Variants in MACROD2 observed in about 807,000 individuals in gnomAD.
MACROD2 encodes the protein mono-ADP ribosylhydrolase 2.
MACROD2 carries 36 observed loss-of-function variants against 70.4 expected under a neutral mutation model. That is an observed-to-expected ratio of 0.51 (90% CI 0.39 to 0.68). The LOEUF is 0.68. Among genes scored for constraint, MACROD2 ranks in the 30% least tolerant of loss-of-function variants. MACROD2 has a pLI of 0.00. For missense variants in MACROD2, 496 were observed against 538.4 expected, an observed-to-expected ratio of 0.92 and a Z score of 0.78; for synonymous variants, 172 against 178.8, an observed-to-expected ratio of 0.96 and a Z score of 0.30.
chr20:15,397,763 C>T (rs573187381), intron 6 of MACROD2, among the ~76,000 whole-genome samples: 4 of 152,088 alleles, frequency 2.6e-5, no homozygotes, highest in Non-Finnish European at 5.9e-5. Flanking sequence ...TCAATGCGTA[C>T]ATCATGTTGG....
At chr20:14,829,826 C>G (rs765202185) in intron 5 of MACROD2, among the ~76,000 whole-genome samples, 1 of 152,094 alleles carries the variant, frequency 6.6e-6, no homozygotes, top group African/African-American at 2.4e-5. Flanking sequence ...TAATTGTCTA[C>G]AGACAAAATA....
At chr20:15,620,389 T>G (rs1487789151) in intron 8 of MACROD2, among the ~76,000 whole-genome samples, 1 of 152,142 alleles carries the variant, frequency 6.6e-6, no homozygotes, top group Non-Finnish European at 1.5e-5. Flanking sequence ...GGTTGGATAT[T>G]TAGATCATTG....
At chr20:14,128,031 A>G in intron 3 of MACROD2, 1 of 560,214 alleles carries the variant, frequency 1.8e-6, no homozygotes, top group South Asian at 1.4e-5. Flanking sequence ...GCAAAATCAG[A>G]TGGTGATTTT....
chr20:14,685,396 G>T (rs2070989548), intron 5 of MACROD2, among the ~76,000 whole-genome samples: 1 of 152,120 alleles, frequency 6.6e-6, no homozygotes, highest in Non-Finnish European at 1.5e-5. Flanking sequence ...TTTTCCAGCT[G>T]CCATGTAAAG....
chr20:14,855,727 A>T (rs2073249119), intron 5 of MACROD2, among the ~76,000 whole-genome samples: 1 of 147,724 alleles, frequency 6.8e-6, no homozygotes, highest in African/African-American at 2.5e-5. Context: ...TACAAGCTTT[A>T]ATTTACCCCT....
rs143542577 is a variant in MACROD2 at position 15,728,892 on chromosome 20, A to G, written c.646-133853A>G. 2.8e-3 allele frequency among the ~76,000 whole-genome samples: 431 copies of G among 151,786 alleles called. 2 individuals carry two copies. The highest frequency in any genetic ancestry group is 9.8e-3 in the African/African-American group (407 of 41,404). The stretch of plus-strand genomic sequence containing the variant: ...TTGTATCTTGGTTTCCTTCAGTTCA[A>G]TTCTGATTTTGGTTATTTCTTGTCA... On this transcript the variant is annotated intron_variant, in intron 8 of 17. Transcript: ENST00000684519.
intron 10 of MACROD2, among the ~76,000 whole-genome samples, chr20:15,894,895 G>C (rs2064946543): frequency 6.6e-6 from 1 of 152,192 alleles, no homozygotes. Context: ...TGGGAGAGTA[G>C]CTGGGGCTTC....
In MACROD2 at chr20:15,664,320, A is replaced by C. The variant is rs1205097276; in HGVS notation, c.645+164473A>C. Among the ~76,000 whole-genome samples the C allele has an allele frequency of 2.6e-5, 4 of 152,224 alleles. No homozygotes were observed. In the East Asian group the frequency reaches 7.7e-4, roughly 29 times the overall value. On this transcript the variant is annotated intron_variant, in intron 8 of 17. Transcript: ENST00000684519. ...TTAAATGATCAAAGACAGAAGAGCA[A>C]GTGTGATATCCTGAGTGAGCAGAGT... is the stretch of plus-strand genomic sequence containing the variant.
At chr20:15,157,349 A>ACCCCCCCCACCCCC (rs2076314269) in intron 5 of MACROD2, among the ~76,000 whole-genome samples, 1 of 109,400 alleles carries the variant, frequency 9.1e-6, no homozygotes, top group Non-Finnish European at 1.9e-5. Context: ...CTAATTAACC[A>ACCCCCCCCACCCCC]CCCCCCCCCA....
chr20:14,729,588 C>T (rs1281850440), intron 5 of MACROD2, among the ~76,000 whole-genome samples: 3 of 152,112 alleles, frequency 2.0e-5, no homozygotes, highest in Non-Finnish European at 4.4e-5. Flanking sequence ...TTTGCAACTA[C>T]AAGCTCACCA....
intron 8 of MACROD2, among the ~76,000 whole-genome samples, chr20:15,832,539 G>A (rs899585986): frequency 2.6e-5 from 4 of 152,186 alleles, no homozygotes; most frequent in African/African-American, 9.7e-5. Flanking sequence ...AAAAAGTACA[G>A]CCATTGCCAC....
intron 10 of MACROD2, among the ~76,000 whole-genome samples, chr20:15,911,402 A>G (rs2065235601): frequency 6.6e-6 from 1 of 152,262 alleles, no homozygotes; most frequent in Admixed American, 6.5e-5. Context: ...TTAGGAGGAC[A>G]TAATGTCATG....
At chr20:14,349,917 T>G (rs2083105887) in intron 3 of MACROD2, among the ~76,000 whole-genome samples, 1 of 151,534 alleles carries the variant, frequency 6.6e-6, no homozygotes, top group South Asian at 2.1e-4. Flanking sequence ...CCCGGCTAAT[T>G]TTTTGTATTT....
intron 3 of MACROD2, among the ~76,000 whole-genome samples, chr20:14,180,579 G>T (rs1357955813): frequency 6.6e-6 from 1 of 152,048 alleles, no homozygotes. Flanking sequence ...CAGGCATTTA[G>T]ATTATCTTTC....
chr20:15,288,913 T>C (rs2077517184), intron 6 of MACROD2, among the ~76,000 whole-genome samples: 1 of 132,766 alleles, frequency 7.5e-6, no homozygotes, highest in Non-Finnish European at 1.7e-5. Flanking sequence ...ATCTATCTCC[T>C]CTCCATCCTA....
At chr20:15,816,186 G>C (rs897723547) in intron 8 of MACROD2, among the ~76,000 whole-genome samples, 1 of 152,070 alleles carries the variant, frequency 6.6e-6, no homozygotes, top group African/African-American at 2.4e-5. Context: ...AGTGAGAAGA[G>C]TTCATGGTAG....
At chr20:14,990,527 T>G (rs1258301954) in intron 5 of MACROD2, among the ~76,000 whole-genome samples, 1 of 149,458 alleles carries the variant, frequency 6.7e-6, no homozygotes, top group East Asian at 2.0e-4. Flanking sequence ...TTTTTTTTTT[T>G]TTTTGAGATG....
intron 6 of MACROD2, among the ~76,000 whole-genome samples, chr20:15,409,264 T>A (rs1172133394): frequency 6.6e-6 from 1 of 152,198 alleles, no homozygotes; most frequent in Admixed American, 6.5e-5. Context: ...CAAGCTTGCC[T>A]AAGATTTGAC....
intron 8 of MACROD2, among the ~76,000 whole-genome samples, chr20:15,658,186 T>C (rs548541557): frequency 7.7e-4 from 116 of 151,146 alleles, no homozygotes; most frequent in African/African-American, 2.6e-3. Context: ...TTTTAAAAAA[T>C]ATAGACAAAA....
Sources: gnomAD v4.1 joint callset for allele counts (sites outside exome capture counted in the v4.1 genomes callset) on GRCh38, gnomAD v4.1.1 for gene constraint, MANE v1.5 for transcripts, NCBI Gene and HGNC (gene_info 2026-07-23, HGNC 2026-07-21) for gene names.